SPIDR: variants seen among roughly 807,000 people sequenced by gnomAD.
The protein encoded by SPIDR is scaffold protein involved in DNA repair, also known as DNA repair-scaffolding protein.
A neutral mutation model predicts 104.6 loss-of-function variants in SPIDR; 93 were observed. The ratio of observed to expected loss-of-function variants is 0.89; its 90% CI spans 0.75 to 1.06. The LOEUF (loss-of-function observed/expected upper bound fraction) is 1.06. Among genes scored for constraint, SPIDR ranks in the 50% least tolerant of loss-of-function variants. The pLI is 0.00. For synonymous variants in SPIDR, 431 were observed against 416.9 expected (o/e 1.03, Z -0.41); for missense variants, 1,154 against 1,111.2 (o/e 1.04, Z -0.55).
At chr8:47,277,861 A>C (rs1453924226) in intron 1 of SPIDR, among the ~76,000 whole-genome samples, 6 of 151,490 alleles carry the variant, frequency 4.0e-5, no homozygotes, top group Non-Finnish European at 8.8e-5. Flanking sequence ...TTTTTGGTAG[A>C]GATAGGTTTT....
chr8:47,384,330 T>C (rs2059643003), intron 5 of SPIDR, among the ~76,000 whole-genome samples: 1 of 152,230 alleles, frequency 6.6e-6, no homozygotes, highest in Non-Finnish European at 1.5e-5. Context: ...CTGATACTTC[T>C]GGTTTTCTAT....
chr8:47,303,549 T>C (rs1435250225), intron 5 of SPIDR, among the ~76,000 whole-genome samples: 1 of 152,188 alleles, frequency 6.6e-6, no homozygotes, highest in Admixed American at 6.5e-5. Flanking sequence ...CGCTGGGAGC[T>C]GTAGACTGGA....
At chr8:47,714,067 G>A (rs1380440082) in intron 16 of SPIDR, among the ~76,000 whole-genome samples, 1 of 152,114 alleles carries the variant, frequency 6.6e-6, no homozygotes, top group Non-Finnish European at 1.5e-5. Flanking sequence ...GGGTGTCTGG[G>A]AAGAGGCAGG....
At chr8:47,428,828 C>G (rs1389569966) in intron 7 of SPIDR, among the ~76,000 whole-genome samples, 1 of 152,190 alleles carries the variant, frequency 6.6e-6, no homozygotes, top group Non-Finnish European at 1.5e-5. Context: ...AGAGGTTTTG[C>G]TTCTGTTCCT....
intron 10 of SPIDR, among the ~76,000 whole-genome samples, chr8:47,649,257 A>C (rs1472946548): frequency 6.6e-6 from 1 of 150,648 alleles, no homozygotes; most frequent in Admixed American, 6.6e-5. Context: ...CTGTCAAGAA[A>C]AAGTGGGAAG....
chr8:47,402,203 C>T (rs2061997361), intron 6 of SPIDR, among the ~76,000 whole-genome samples: 1 of 152,148 alleles, frequency 6.6e-6, no homozygotes. Flanking sequence ...ACATTTAAAG[C>T]AGTGTGTAGA....
chr8:47,660,839 A>C (rs750130272), intron 10 of SPIDR: 12 of 465,334 alleles, frequency 2.6e-5, no homozygotes, highest in Non-Finnish European at 3.1e-5. Context: ...AGGACTTAGG[A>C]GAGCTGGCCC....
At chr8:47,488,563 G>C (rs1554734128) in intron 8 of SPIDR, among the ~76,000 whole-genome samples, 1 of 152,120 alleles carries the variant, frequency 6.6e-6, no homozygotes, top group East Asian at 1.9e-4. Context: ...GACAATTTTA[G>C]ACCAATATCC....
chr8:47,441,201 T>A (rs932397330), intron 8 of SPIDR, among the ~76,000 whole-genome samples: 1 of 152,230 alleles, frequency 6.6e-6, no homozygotes, highest in Admixed American at 6.5e-5. Context: ...ATATTATTGC[T>A]GGATCAGTGC....
intron 8 of SPIDR, among the ~76,000 whole-genome samples, chr8:47,585,496 T>C (rs1041157647): frequency 6.6e-6 from 1 of 152,130 alleles, no homozygotes; most frequent in African/African-American, 2.4e-5. Context: ...ACAGATCAAC[T>C]TCCTTCTTTC....
At chr8:47,603,891 G>C (rs969959856) in intron 10 of SPIDR, among the ~76,000 whole-genome samples, 14 of 152,090 alleles carry the variant, frequency 9.2e-5, no homozygotes, top group African/African-American at 3.4e-4. Context: ...TCCATACCTT[G>C]ATGTTTTACT....
intron 16 of SPIDR, among the ~76,000 whole-genome samples, chr8:47,721,360 C>T (rs996207208): frequency 6.6e-6 from 1 of 152,114 alleles, no homozygotes; most frequent in African/African-American, 2.4e-5. Flanking sequence ...TGTTCTTTCT[C>T]CATTGAAATG....
chr8:47,439,349 T>G (rs1047095042), intron 7 of SPIDR, among the ~76,000 whole-genome samples: 2 of 152,228 alleles, frequency 1.3e-5, no homozygotes, highest in Non-Finnish European at 2.9e-5. Flanking sequence ...ATTTCTGTGT[T>G]TTTTAAAATT....
chr8:47,628,895 T>C (rs2066615102), intron 10 of SPIDR, among the ~76,000 whole-genome samples: 6 of 152,214 alleles, frequency 3.9e-5, no homozygotes. Flanking sequence ...TAGCTGAAAA[T>C]CTGTAGGGCT....
chr8:47,466,706 C>CAAAAAAAAAAAAAAAAAAAA (rs78296344), intron 8 of SPIDR, among the ~76,000 whole-genome samples: 5 of 134,964 alleles, frequency 3.7e-5, no homozygotes, highest in South Asian at 2.3e-4. Context: ...ACGAAAAATA[C>CAAAAAAAAAAAAAAAAAAAA]AAAAAAAAAA....
intron 5 of SPIDR, among the ~76,000 whole-genome samples, chr8:47,329,092 A>G (rs1587062812): frequency 4.1e-5 from 6 of 146,810 alleles, no homozygotes; most frequent in Admixed American, 4.1e-4. Flanking sequence ...TTTTTTTGAG[A>G]TGGAGTCTCA....
chr8:47,339,515 G>A (rs2050335952), intron 5 of SPIDR, among the ~76,000 whole-genome samples: 1 of 151,994 alleles, frequency 6.6e-6, no homozygotes, highest in Non-Finnish European at 1.5e-5. Flanking sequence ...AGTGAACTAA[G>A]TACTGGGGCT....
At chr8:47,511,493 C>T in intron 8 of SPIDR, 1 of 778,654 alleles carries the variant, frequency 1.3e-6, no homozygotes, top group East Asian at 2.4e-5. Flanking sequence ...TCTGCTGGCA[C>T]CTCCCTTCTG....
At chr8:47,551,865 G>A (rs773290793) in intron 8 of SPIDR, among the ~76,000 whole-genome samples, 4 of 151,894 alleles carry the variant, frequency 2.6e-5, no homozygotes, top group Non-Finnish European at 4.4e-5. Context: ...GTGATGTTAG[G>A]GTGTCAATTT....
Sources: gnomAD v4.1 joint callset for allele counts (sites outside exome capture counted in the v4.1 genomes callset) on GRCh38, gnomAD v4.1.1 for gene constraint, MANE v1.5 for transcripts, NCBI Gene and HGNC (gene_info 2026-07-23, HGNC 2026-07-21) for gene names.